The following OPRM1 variants were observed in gnomAD, a reference collection of about 807,000 sequenced individuals.
OPRM1 encodes mu-type opioid receptor.
A neutral mutation model predicts 31.8 loss-of-function variants in OPRM1; 27 were observed. The observed-to-expected ratio is 0.85, with a 90% CI of 0.63 to 1.17. The LOEUF (loss-of-function observed/expected upper bound fraction) is 1.17. Among genes scored for constraint, OPRM1 ranks in the 50% most tolerant of loss-of-function variants. OPRM1 has a pLI of 0.00. For synonymous variants in OPRM1, 196 were observed against 189.9 expected (o/e 1.03, Z -0.26); for missense variants, 536 against 511.1 (o/e 1.05, Z -0.47).
chr6:154,094,642 C>G (rs964432991), intron 3 of OPRM1, among the ~76,000 whole-genome samples: 5 of 152,114 alleles, frequency 3.3e-5, no homozygotes, highest in African/African-American at 1.2e-4. Context: ...TTACCCCAGC[C>G]TTGTTCTCAT....
At chr6:154,103,458 A>G (rs1174560314) in intron 3 of OPRM1, among the ~76,000 whole-genome samples, 2 of 152,206 alleles carry the variant, frequency 1.3e-5, no homozygotes, top group African/African-American at 2.4e-5. Flanking sequence ...CCCTATACCA[A>G]TTGTGTTTCT....
chr6:154,217,798 A>G (rs1302085706), intron 3 of OPRM1, among the ~76,000 whole-genome samples: 1 of 152,232 alleles, frequency 6.6e-6, no homozygotes, highest in Non-Finnish European at 1.5e-5. Context: ...AAGCATCTAA[A>G]AGTGAAATAG....
intron 3 of OPRM1, among the ~76,000 whole-genome samples, chr6:154,175,837 C>T (rs926749453): frequency 1.3e-5 from 2 of 152,122 alleles, no homozygotes; most frequent in African/African-American, 4.8e-5. Flanking sequence ...CCAGCATCAT[C>T]CTGATACCAA....
At chr6:154,233,959 G>C (rs1003562989) in intron 3 of OPRM1, among the ~76,000 whole-genome samples, 1 of 152,090 alleles carries the variant, frequency 6.6e-6, no homozygotes, top group Non-Finnish European at 1.5e-5. Flanking sequence ...CTGTAATCTC[G>C]GCACTTTGAG....
At position 154,091,284 on chromosome 6, in the gene OPRM1, C is replaced by T. The variant is rs1312354961; in HGVS notation, c.976C>T (p.Leu326=). The change falls in exon 3 of 4, where the codon CTA becomes TTA. Residue 326 remains leucine (L), a synonymous_variant. Transcript: ENST00000330432. ...QTVSWHFCIA[L]GYTNSCLNPV... ...TGTTTCTTGGCACTTCTGCATTGCT[C>T]TAGGTTACACAAACAGCTGCCTCAA... is the stretch of plus-strand genomic sequence containing the variant. 1.2e-6 allele frequency: 2 copies of T among 1,614,172 alleles called. No individual in the cohort carries two copies. The highest frequency in any genetic ancestry group is 2.2e-5 in the South Asian group (2 of 91,084).
intron 3 of OPRM1, among the ~76,000 whole-genome samples, chr6:154,175,386 C>CT (rs149218711): frequency 0.3 from 42,954 of 143,152 alleles, 6,980 homozygotes; most frequent in East Asian, 0.6. Flanking sequence ...AATCCAGGAG[C>CT]TTTTTTTTTT....
At chr6:154,074,306 C>A (rs1787393464) in intron 1 of OPRM1, 1 of 152,192 alleles carries the variant, frequency 6.6e-6, no homozygotes, top group African/African-American at 2.4e-5. Context: ...GTAAAGCACT[C>A]TGAACAGTAT....
Position 154,039,654 on chromosome 6 carries a change from T to C in OPRM1, c.110T>C (p.Leu37Ser). The C allele has an allele frequency of 6.2e-7, 1 of 1,613,822 alleles. No homozygotes were observed. The stretch of plus-strand genomic sequence containing the variant: ...GGTTCCTGGGTCAACTTGTCCCACT[T>C]AGATGGCAACCTGTCCGACCCATGC... ...SPGSWVNLSH[L>S]DGNLSDPCGP... The change falls in exon 1 of 4, where the codon TTA (leucine) becomes TCA (serine). Residue 37 changes from leucine (L) to serine (S), a missense_variant. Transcript: ENST00000330432.
chr6:154,227,226 A>T (rs1015115201), intron 3 of OPRM1, among the ~76,000 whole-genome samples: 3 of 151,986 alleles, frequency 2.0e-5, no homozygotes, highest in African/African-American at 7.3e-5. Context: ...CAAAAAAATT[A>T]AAAAATAAAA....
At chr6:154,193,247 T>C (rs1193815728) in intron 3 of OPRM1, among the ~76,000 whole-genome samples, 4 of 152,218 alleles carry the variant, frequency 2.6e-5, no homozygotes, top group African/African-American at 9.7e-5. Context: ...AGGCCATTAT[T>C]CTAAGTGAAG....
intron 1 of OPRM1, among the ~76,000 whole-genome samples, chr6:154,030,037 A>G (rs1778921197): frequency 6.8e-6 from 1 of 146,710 alleles, no homozygotes; most frequent in Non-Finnish European, 1.5e-5. Flanking sequence ...TTGAACTGTG[A>G]GTCCTCTTTC....
intron 3 of OPRM1, among the ~76,000 whole-genome samples, chr6:154,181,171 A>G (rs1402018173): frequency 6.6e-6 from 1 of 152,142 alleles, no homozygotes; most frequent in Admixed American, 6.6e-5. Flanking sequence ...GATATATTTA[A>G]ATTATTTAAT....
chr6:154,120,469 C>T lies in OPRM1; in HGVS notation c.*1748C>T, dbSNP rs767756946. Among the ~76,000 whole-genome samples, 1 of 151,996 alleles carries T rather than the reference C, an allele frequency of 6.6e-6. No individual in the cohort carries two copies. Among genetic ancestry groups the T allele is most frequent in the Non-Finnish European group, 1.5e-5 (1 of 67,988 alleles). ...ATCTCCATTTCTCAAATATTATGTT[C>T]CATAATAGACATACATTATGTTTAA... On this transcript the variant is annotated 3_prime_UTR_variant, in exon 4 of 4. Coordinates refer to ENST00000330432, the MANE Select transcript of OPRM1 (RefSeq NM_000914.5).
chr6:154,138,684 G>C (rs868303500), intron 3 of OPRM1, among the ~76,000 whole-genome samples: 9 of 152,204 alleles, frequency 5.9e-5, no homozygotes, highest in Non-Finnish European at 1.0e-4. Context: ...AACTTTGGGA[G>C]GAACTTAGTT....
Position 154,118,758 on chromosome 6 carries a change from G to A in OPRM1, c.*37G>A. 1.2e-6 allele frequency: 2 copies of A among 1,611,640 alleles called. No homozygotes were observed. The highest frequency in any genetic ancestry group is 1.1e-5 in the South Asian group (1 of 90,818). ...GCCATTCCGACCTTCACCAAGCTTA[G>A]AAGCCACCATGTATGTGGAAGCAGG... On this transcript the variant is annotated 3_prime_UTR_variant, in exon 4 of 4. Coordinates refer to ENST00000330432, the MANE Select transcript of OPRM1 (RefSeq NM_000914.5).
intron 3 of OPRM1, chr6:154,246,558 C>T (rs532785761): frequency 1.2e-5 from 19 of 1,582,074 alleles, no homozygotes; most frequent in Non-Finnish European, 1.5e-5. Flanking sequence ...CTCATTAAAA[C>T]GGCTGGGAAT....
chr6:154,184,552 T>C (rs1583735186), intron 3 of OPRM1, among the ~76,000 whole-genome samples: 1 of 152,164 alleles, frequency 6.6e-6, no homozygotes, highest in East Asian at 1.9e-4. Flanking sequence ...TATATATATA[T>C]ATGCGCATTG....
intron 3 of OPRM1, chr6:154,107,896 G>A (rs1177365222): frequency 3.0e-6 from 2 of 665,252 alleles, no homozygotes; most frequent in South Asian, 1.7e-5. Flanking sequence ...CTTAAAAATA[G>A]CCTTTGAATT....
At chr6:154,019,603 A>G (rs1778227505) in intron 1 of OPRM1, among the ~76,000 whole-genome samples, 1 of 152,032 alleles carries the variant, frequency 6.6e-6, no homozygotes, top group African/African-American at 2.4e-5. Flanking sequence ...TACTGTCTCC[A>G]GAGTTTTGTC....
Sources: allele counts gnomAD v4.1 joint callset (sites outside exome capture counted in the v4.1 genomes callset), GRCh38; gene constraint gnomAD v4.1.1; transcripts MANE v1.5; gene names NCBI Gene and HGNC (gene_info 2026-07-23, HGNC 2026-07-21).